GSE1: variants seen among roughly 807,000 people sequenced by gnomAD.
The protein encoded by GSE1 is Gse1 coiled-coil protein.
GSE1 carries 32 observed loss-of-function variants against 112.6 expected under a neutral mutation model. The ratio of observed to expected loss-of-function variants is 0.28; its 90% CI spans 0.21 to 0.38. The LOEUF (loss-of-function observed/expected upper bound fraction) is 0.38, where lower values mean the gene tolerates loss of function less well. Ranked by LOEUF, GSE1 falls within the 10% of genes least tolerant of loss-of-function variation. The pLI is 1.00. For synonymous variants in GSE1, 1,115 were observed against 735.6 expected (o/e 1.52, Z -8.35); for missense variants, 2,348 against 1,699.2 (o/e 1.38, Z -6.71).
chr16:85,323,244 T>C (rs1232114393), intron 1 of GSE1, among the ~76,000 whole-genome samples: 1 of 152,118 alleles, frequency 6.6e-6, no homozygotes, highest in Non-Finnish European at 1.5e-5. Context: ...TTGTGCTGTC[T>C]CCGGGTGGGA....
intron 2 of GSE1, among the ~76,000 whole-genome samples, chr16:85,535,458 T>G (rs915916575): frequency 6.6e-6 from 1 of 152,208 alleles, no homozygotes; most frequent in Non-Finnish European, 1.5e-5. Context: ...ACAGACACCC[T>G]CAGCCTGTGT....
chr16:85,313,496 G>A (rs570062222), intron 1 of GSE1, among the ~76,000 whole-genome samples: 31 of 152,268 alleles, frequency 2.0e-4, no homozygotes, highest in Admixed American at 6.5e-4. Flanking sequence ...TGTTGGCCCC[G>A]AGGAAGCCAA....
chr16:85,388,339 T>A (rs1248228543), intron 2 of GSE1, among the ~76,000 whole-genome samples: 38 of 13,120 alleles, frequency 2.9e-3, no homozygotes, highest in South Asian at 5.9e-3. Context: ...TGAATGGATG[T>A]ATGGCTGGAT....
At chr16:85,364,527 G>A (rs757096030) in intron 2 of GSE1, among the ~76,000 whole-genome samples, 4 of 152,342 alleles carry the variant, frequency 2.6e-5, no homozygotes, top group South Asian at 4.1e-4. Flanking sequence ...CCCCGGTGCC[G>A]TAACAGACAG....
At chr16:85,415,274 T>G (rs575866277) in intron 2 of GSE1, among the ~76,000 whole-genome samples, 1 of 152,364 alleles carries the variant, frequency 6.6e-6, no homozygotes, top group East Asian at 1.9e-4. Flanking sequence ...CCTTGTTTTC[T>G]CATCTTTTGG....
chr16:85,655,100 G>A, intron 5 of GSE1, 109 bp downstream of exon 5: 1 of 755,756 alleles, frequency 1.3e-6, no homozygotes, highest in Non-Finnish European at 2.3e-6. Context: ...GCTCCTAGGG[G>A]AGGGTCTAGA....
chr16:85,254,954 G>T (rs554450784), intron 1 of GSE1, among the ~76,000 whole-genome samples: 7 of 152,346 alleles, frequency 4.6e-5, no homozygotes, highest in Admixed American at 4.6e-4. Context: ...ACACTGTTCT[G>T]TGTCCCCCGG....
intron 2 of GSE1, among the ~76,000 whole-genome samples, chr16:85,452,343 G>A (rs1421776015): frequency 6.6e-6 from 1 of 152,112 alleles, no homozygotes; most frequent in East Asian, 1.9e-4. Flanking sequence ...TTAACAGCGG[G>A]TGCTGAGCCT....
intron 1 of GSE1, among the ~76,000 whole-genome samples, chr16:85,276,284 G>A (rs8047113): frequency 0.62 from 95,037 of 152,130 alleles, 31,155 homozygotes; most frequent in Non-Finnish European, 0.75. Context: ...GAATCTCCCC[G>A]CTTGTTACAA....
At chr16:85,455,833 C>T (rs899885526) in intron 2 of GSE1, among the ~76,000 whole-genome samples, 1 of 152,252 alleles carries the variant, frequency 6.6e-6, no homozygotes, top group East Asian at 1.9e-4. Flanking sequence ...TCCACTCTCA[C>T]GCCTGCATGG....
At chr16:85,378,280 G>T (rs1454672156) in intron 2 of GSE1, among the ~76,000 whole-genome samples, 2 of 152,164 alleles carry the variant, frequency 1.3e-5, no homozygotes, top group Non-Finnish European at 2.9e-5. Flanking sequence ...TCCCTCAGCT[G>T]GGTCGGTGTC....
At chr16:85,551,036 C>T (rs1387501415), upstream of GSE1, among the ~76,000 whole-genome samples, 1 of 152,166 alleles carries the variant, frequency 6.6e-6, no homozygotes, top group Non-Finnish European at 1.5e-5. Context: ...AGGGCTTTTT[C>T]AGGGAGGTGC....
At chr16:85,420,506 T>C (rs1567471923) in intron 2 of GSE1, among the ~76,000 whole-genome samples, 2 of 150,970 alleles carry the variant, frequency 1.3e-5, no homozygotes, top group East Asian at 3.9e-4. Context: ...ACCCTGGGGC[T>C]TCCAGGGCCA....
chr16:85,613,851 CG>C (rs1450179946), intron 1 of GSE1, among the ~76,000 whole-genome samples: 2 of 21,196 alleles, frequency 9.4e-5, no homozygotes, highest in African/African-American at 3.9e-4. Context: ...GCCGAGGAAG[CG>C]GGGGTGTGGG....
intron 1 of GSE1, chr16:85,593,457 G>A (rs2151442566): frequency 6.6e-6 from 1 of 152,528 alleles, no homozygotes; most frequent in South Asian, 2.1e-4. Flanking sequence ...TCATCATTCA[G>A]GGGCAGCCTG....
At chr16:85,479,053 G>A (rs1285967620) in intron 2 of GSE1, among the ~76,000 whole-genome samples, 1 of 120,758 alleles carries the variant, frequency 8.3e-6, no homozygotes, top group East Asian at 2.8e-4. Flanking sequence ...ATGGAGTCTC[G>A]CTCTGTCGCC....
intron 8 of GSE1, among the ~76,000 whole-genome samples, chr16:85,658,968 C>G (rs1039025107): frequency 6.6e-6 from 1 of 152,250 alleles, no homozygotes; most frequent in African/African-American, 2.4e-5. Context: ...CGGCTGCACA[C>G]GTGGCCTTAC....
chr16:85,233,044 C>A (rs533483181), intron 1 of GSE1, among the ~76,000 whole-genome samples: 9 of 152,232 alleles, frequency 5.9e-5, no homozygotes, highest in Non-Finnish European at 1.2e-4. Flanking sequence ...TTGCTTTGGT[C>A]CCAGTGGCCT....
chr16:85,225,132 AAAAG>A (rs1015550906), intron 1 of GSE1, among the ~76,000 whole-genome samples: 3 of 152,186 alleles, frequency 2.0e-5, no homozygotes, highest in Non-Finnish European at 4.4e-5. Context: ...TTAAAAAAAA[AAAAG>A]AAAGAAGTAA....
Sources: gnomAD v4.1 joint callset for allele counts (sites outside exome capture counted in the v4.1 genomes callset) on GRCh38, gnomAD v4.1.1 for gene constraint, MANE v1.5 for transcripts, NCBI Gene and HGNC (gene_info 2026-07-23, HGNC 2026-07-21) for gene names.